Variants in ZNF362 observed in about 807,000 individuals in gnomAD.
The protein encoded by ZNF362 is rotund homolog.
In ZNF362, 11 loss-of-function variants were observed where a neutral mutation model predicts 42.9. That is an observed-to-expected ratio of 0.26 (90% CI 0.16 to 0.42). The LOEUF is 0.42. Ranked by LOEUF, ZNF362 falls within the 20% of genes least tolerant of loss-of-function variation. The pLI is 1.00. For synonymous variants in ZNF362, 255 were observed against 257.3 expected (o/e 0.99, Z 0.09); for missense variants, 362 against 576.2 (o/e 0.63, Z 3.81).
intron 8 of ZNF362, among the ~76,000 whole-genome samples, chr1:33,297,898 A>G (rs1343886644): frequency 6.6e-6 from 1 of 152,032 alleles, no homozygotes; most frequent in East Asian, 1.9e-4. Flanking sequence ...AGGTCCCCTT[A>G]CCCCCACTTT....
At chr1:33,212,069 G>A in the ZNF362 span, among the ~76,000 whole-genome samples, 59 of 152,282 alleles carry the variant, frequency 3.9e-4, no homozygotes, top group African/African-American at 1.4e-3. Context: ...CTCCCTTGGA[G>A]CTGTCATTAC....
At chr1:33,138,074 G>A in the ZNF362 span, among the ~76,000 whole-genome samples, 15 of 152,216 alleles carry the variant, frequency 9.9e-5, no homozygotes, top group Non-Finnish European at 1.8e-4. Flanking sequence ...CAGCTCAGGG[G>A]AGGTGGAGGA....
rs1014938770 is a variant in ZNF362, at chr1:33,280,854, C to T, written c.683+397C>T. Among the ~76,000 whole-genome samples, 1 of 152,094 alleles carries T rather than the reference C, an allele frequency of 6.6e-6. No homozygotes were observed. Among genetic ancestry groups the T allele is most frequent in the Non-Finnish European group, 1.5e-5 (1 of 68,000 alleles). On this transcript the variant is annotated intron_variant, in intron 5 of 8. Coordinates refer to ENST00000539719, the MANE Select transcript of ZNF362 (RefSeq NM_152493.3). The surrounding 1 kb of genome is among the most constrained non-coding windows in gnomAD (Gnocchi z 5.6). ...GAGGCCAAGGCGGGTGGATCACCTG[C>T]GGTCAGGAGTTTGAGACCAGCCTGG...
At chr1:33,237,640 T>C in the ZNF362 span, among the ~76,000 whole-genome samples, 9 of 152,196 alleles carry the variant, frequency 5.9e-5, no homozygotes, top group Non-Finnish European at 1.2e-4. Flanking sequence ...TCAGTCCTCA[T>C]GATGATCTGT....
chr1:33,139,015 C>T, the ZNF362 span, among the ~76,000 whole-genome samples: 7 of 152,182 alleles, frequency 4.6e-5, no homozygotes, highest in East Asian at 1.9e-4. Flanking sequence ...CTGCAAGACT[C>T]GCACTGACTG....
intron 1 of ZNF362, among the ~76,000 whole-genome samples, chr1:33,268,472 A>G (rs1645879429): frequency 6.6e-6 from 1 of 152,222 alleles, no homozygotes. Context: ...GGATGAGCAA[A>G]CAGACAGAAC....
At chr1:33,214,236 T>C in the ZNF362 span, among the ~76,000 whole-genome samples, 3 of 152,132 alleles carry the variant, frequency 2.0e-5, no homozygotes, top group Admixed American at 6.6e-5. Flanking sequence ...CTAAGAACAT[T>C]CACTGGGGAA....
chr1:33,130,647 C>T, the ZNF362 span, among the ~76,000 whole-genome samples: 1 of 152,222 alleles, frequency 6.6e-6, no homozygotes, highest in Non-Finnish European at 1.5e-5. Context: ...CCAGTTAAGC[C>T]ATACCCAGGT....
At position 33,281,612 on chromosome 1, in the gene ZNF362, T is replaced by C; in HGVS notation, c.709T>C (p.Phe237Leu). The change falls in exon 6 of 9, where the codon TTC (phenylalanine) becomes CTC (leucine). Residue 237 changes from phenylalanine to leucine, a missense_variant. By Grantham distance (22) the Phe-to-Leu change is conservative. Transcript: ENST00000539719. This position sits in a 1 kb window ranked among gnomAD's most constrained non-coding sequence, Gnocchi z 4.8. Reference protein sequence around the residue: ...YRCKVCPLTFFTKSEMQIHSK... With the variant: ...YRCKVCPLTFLTKSEMQIHSK... ...GTGTAAGGTATGCCCACTGACCTTT[T>C]TCACCAAGTCAGAGATGCAGATCCA... 1 of 1,614,210 alleles carries C rather than the reference T, an allele frequency of 6.2e-7. No individual in the cohort carries two copies. The highest frequency in any genetic ancestry group is 2.2e-5 in the East Asian group (1 of 44,884).
the ZNF362 span, chr1:33,159,722 T>C: frequency 6.2e-7 from 1 of 1,611,280 alleles, no homozygotes; most frequent in Non-Finnish European, 8.5e-7. This position sits in a 1 kb window ranked among gnomAD's most constrained non-coding sequence, Gnocchi z 4.2. Context: ...GCCAGGAAGG[T>C]GTGCCGGTCG....
the ZNF362 span, among the ~76,000 whole-genome samples, chr1:33,190,652 A>G: frequency 6.6e-6 from 1 of 152,124 alleles, no homozygotes; most frequent in Admixed American, 6.5e-5. Context: ...ACATTTCTAC[A>G]TTGTTTATTG....
the ZNF362 span, among the ~76,000 whole-genome samples, chr1:33,144,629 T>C: frequency 2.0e-5 from 3 of 152,238 alleles, no homozygotes; most frequent in African/African-American, 7.2e-5. Flanking sequence ...CTTTAATTCT[T>C]TAAAAGCTTG....
At chr1:33,265,400 T>C (rs1313280469) in intron 1 of ZNF362, among the ~76,000 whole-genome samples, 2 of 152,036 alleles carry the variant, frequency 1.3e-5, no homozygotes, top group Admixed American at 1.3e-4. Context: ...CAACCCCTCC[T>C]GCTCTGATTA....
chr1:33,180,070 A>G, the ZNF362 span, among the ~76,000 whole-genome samples: 1 of 139,530 alleles, frequency 7.2e-6, no homozygotes, highest in Non-Finnish European at 1.6e-5. Flanking sequence ...GCTCAATAAA[A>G]GTTGAGTAGG....
the ZNF362 span, among the ~76,000 whole-genome samples, chr1:33,179,508 C>T: frequency 1.3e-5 from 2 of 152,190 alleles, no homozygotes; most frequent in African/African-American, 4.8e-5. Flanking sequence ...GAGCTCATTA[C>T]CTCCCAAGTT....
At chr1:33,263,097 A>G (rs1197991084) in intron 1 of ZNF362, among the ~76,000 whole-genome samples, 1 of 152,252 alleles carries the variant, frequency 6.6e-6, no homozygotes, top group Non-Finnish European at 1.5e-5. Context: ...GTGTTTTTAC[A>G]TGTAGATGAG....
At chr1:33,242,662 G>A in the ZNF362 span, among the ~76,000 whole-genome samples, 2 of 152,148 alleles carry the variant, frequency 1.3e-5, no homozygotes, top group Admixed American at 1.3e-4. Context: ...CACGGATTAG[G>A]AAGCGATGGA....
chr1:33,253,179 C>A (rs1271127276), upstream of ZNF362, among the ~76,000 whole-genome samples: 1 of 146,250 alleles, frequency 6.8e-6, no homozygotes, highest in Non-Finnish European at 1.5e-5. Context: ...AGAGGCCAGG[C>A]ATCATGAAGG....
the ZNF362 span, among the ~76,000 whole-genome samples, chr1:33,188,018 G>A: frequency 3.6e-4 from 55 of 152,220 alleles, no homozygotes; most frequent in African/African-American, 1.3e-3. Flanking sequence ...GGCAGATCAC[G>A]AAGTCAGGAG....
Sources: gnomAD v4.1 joint callset for allele counts (sites outside exome capture counted in the v4.1 genomes callset) on GRCh38, gnomAD v4.1.1 for gene constraint, Gnocchi (gnomAD v3.1) non-coding constraint, MANE v1.5 for transcripts, NCBI Gene and HGNC (gene_info 2026-07-23, HGNC 2026-07-21) for gene names.